The following DPP10 variants were observed in gnomAD, a reference collection of about 807,000 sequenced individuals.
DPP10 encodes inactive dipeptidyl peptidase 10.
Under a neutral mutation model 120.9 loss-of-function variants are expected in DPP10, and 33 were observed. The ratio of observed to expected loss-of-function variants is 0.27; its 90% confidence interval spans 0.21 to 0.37. DPP10 has a LOEUF of 0.37. DPP10 is among the 10% of genes least tolerant of loss of function. The pLI, the probability that DPP10 is intolerant of heterozygous loss-of-function variation, is 1.00. For missense variants in DPP10, 816 were observed against 942.8 expected, an observed-to-expected ratio of 0.87 and a Z score of 1.76; for synonymous variants, 337 against 326.1, an observed-to-expected ratio of 1.03 and a Z score of -0.36.
At position 115,557,746 on chromosome 2, in the gene DPP10, T is replaced by C. The variant is rs538050548; in HGVS notation, c.441+31774T>C. Among the ~76,000 whole-genome samples the C allele has an allele frequency of 1.0e-3, 156 of 152,280 alleles. 2 individuals carry two copies. Among genetic ancestry groups the C allele is most frequent in the African/African-American group, 3.4e-3 (143 of 41,562 alleles). ...TTTGGTAAAGAAAGATGGATCAAGG[T>C]TAGAGAGTAAAAAAAGAAAGGCCTA... is the stretch of plus-strand genomic sequence containing the variant. On this transcript the variant is annotated intron_variant, in intron 5 of 25. Transcript: ENST00000410059.
chr2:115,142,406 C>T lies in DPP10; in HGVS notation c.61-166833C>T, dbSNP rs1216256133. Among the ~76,000 whole-genome samples, 4 of 152,228 alleles carry T rather than the reference C, an allele frequency of 2.6e-5. 1 individual carries two copies. The East Asian group carries it at 7.7e-4, about 29-fold the overall frequency. On this transcript the variant is annotated intron_variant, in intron 1 of 25. Coordinates refer to ENST00000410059, the MANE Select transcript of DPP10 (RefSeq NM_020868.6). ...ACAAAGTCAAAGGCTGGGAAGAAAGCAATGTGCGCTCATAGATAGCATGGA... is the reference window on the plus strand; with the variant it reads ...ACAAAGTCAAAGGCTGGGAAGAAAGTAATGTGCGCTCATAGATAGCATGGA...
At chr2:115,236,567 AC>A (rs2058019868) in intron 1 of DPP10, among the ~76,000 whole-genome samples, 1 of 152,188 alleles carries the variant, frequency 6.6e-6, no homozygotes. Context: ...GCATCTTTAC[AC>A]TGGAAGGGCT....
chr2:114,444,521 A>G (rs183353985), intron 1 of DPP10, among the ~76,000 whole-genome samples: 1 of 152,168 alleles, frequency 6.6e-6, no homozygotes, highest in East Asian at 1.9e-4. Context: ...AGAGACTTCA[A>G]ATCACTTCCT....
intron 1 of DPP10, among the ~76,000 whole-genome samples, chr2:115,231,728 G>A (rs115328895): frequency 1.1e-4 from 16 of 152,270 alleles, no homozygotes; most frequent in African/African-American, 3.9e-4. Context: ...AAGAAGTAGC[G>A]ATATATGAAA....
chr2:114,822,448 C>A (rs1686178986), intron 1 of DPP10, among the ~76,000 whole-genome samples: 1 of 152,120 alleles, frequency 6.6e-6, no homozygotes, highest in African/African-American at 2.4e-5. Context: ...GGAGGGGCTG[C>A]CACAAAGGTC....
chr2:115,507,499 A>G (rs1282546360), intron 4 of DPP10, among the ~76,000 whole-genome samples: 3 of 152,192 alleles, frequency 2.0e-5, no homozygotes, highest in African/African-American at 7.2e-5. Flanking sequence ...CGGAGATAAC[A>G]TTTCAAGGTC....
chr2:115,662,857 T>G (rs77446452), intron 5 of DPP10, among the ~76,000 whole-genome samples: 1,647 of 152,316 alleles, frequency 0.011, 37 homozygotes, highest in African/African-American at 0.038. Flanking sequence ...GTATGTAATA[T>G]ATATAGAAGT....
At chr2:115,020,408 G>T (rs890821131) in intron 1 of DPP10, among the ~76,000 whole-genome samples, 2 of 152,046 alleles carry the variant, frequency 1.3e-5, no homozygotes, top group African/African-American at 4.8e-5. Flanking sequence ...AGTTTAAAAA[G>T]ACAAAGAGGG....
chr2:115,814,178 C>A (rs1686970512), intron 19 of DPP10, among the ~76,000 whole-genome samples: 1 of 152,102 alleles, frequency 6.6e-6, no homozygotes, highest in Non-Finnish European at 1.5e-5. Flanking sequence ...ATCTATGCTT[C>A]TTTCTGCTGT....
intron 1 of DPP10, among the ~76,000 whole-genome samples, chr2:115,252,796 C>G (rs1354341547): frequency 6.6e-6 from 1 of 152,204 alleles, no homozygotes; most frequent in African/African-American, 2.4e-5. Flanking sequence ...TGATGCAGTG[C>G]TTCCTTCTCC....
intron 1 of DPP10, among the ~76,000 whole-genome samples, chr2:114,699,293 G>C (rs575195050): frequency 8.9e-6 from 1 of 112,540 alleles, no homozygotes; most frequent in Non-Finnish European, 1.8e-5. Context: ...ATACATATGC[G>C]TGTGTGTGTG....
intron 5 of DPP10, among the ~76,000 whole-genome samples, chr2:115,567,301 T>G (rs538220228): frequency 1.3e-5 from 2 of 152,238 alleles, no homozygotes; most frequent in African/African-American, 2.4e-5. Flanking sequence ...TTTCAATCCA[T>G]TTTTAAACTC....
intron 5 of DPP10, among the ~76,000 whole-genome samples, chr2:115,592,641 A>G (rs1462654019): frequency 6.6e-6 from 1 of 152,130 alleles, no homozygotes; most frequent in Non-Finnish European, 1.5e-5. Context: ...CTGTAGTCCC[A>G]GCTACTAGCG....
intron 1 of DPP10, among the ~76,000 whole-genome samples, chr2:115,099,130 C>CAAAAAAAAAAAAA (rs55815168): frequency 9.4e-5 from 7 of 74,608 alleles, no homozygotes; most frequent in African/African-American, 1.9e-4. Context: ...GCTAAAAATA[C>CAAAAAAAAAAAAA]AAAAAAAAAA....
At chr2:115,641,523 C>G (rs1054873991) in intron 5 of DPP10, among the ~76,000 whole-genome samples, 5 of 146,960 alleles carry the variant, frequency 3.4e-5, no homozygotes, top group Non-Finnish European at 7.4e-5. Context: ...ATGAACCCCA[C>G]TCTCTCCCTC....
chr2:114,895,027 T>C (rs570177020), intron 1 of DPP10, among the ~76,000 whole-genome samples: 2 of 152,304 alleles, frequency 1.3e-5, no homozygotes, highest in South Asian at 4.1e-4. Context: ...TTTAGCTTTC[T>C]CATCTACAAA....
chr2:114,477,217 C>T (rs934201499), intron 1 of DPP10, among the ~76,000 whole-genome samples: 1 of 151,868 alleles, frequency 6.6e-6, no homozygotes, highest in East Asian at 1.9e-4. Context: ...CAAGGACTCC[C>T]AAAGTGCTGG....
chr2:115,583,470 C>T (rs188778667), intron 5 of DPP10, among the ~76,000 whole-genome samples: 50 of 152,262 alleles, frequency 3.3e-4, no homozygotes, highest in African/African-American at 1.1e-3. Context: ...ATAGGACCCT[C>T]GAGTAGATGG....
chr2:115,723,625 T>TG lies in DPP10; in HGVS notation c.577-4191_577-4190insG, dbSNP rs908516288. Among the ~76,000 whole-genome samples, 12 of 150,548 alleles carry TG rather than the reference T, an allele frequency of 8.0e-5. No homozygotes were observed. In the South Asian group the frequency reaches 1.0e-3, roughly 13 times the overall value. The stretch of plus-strand genomic sequence containing the variant: ...GTTGTTGTTGTTGTTGTTTTTTGTT[T>TG]TTTTTTTTTTTTACACGGCTAGGTC... On this transcript the variant is annotated intron_variant, in intron 7 of 25. Coordinates refer to ENST00000410059, the MANE Select transcript of DPP10 (RefSeq NM_020868.6).
Sources: allele counts gnomAD v4.1 joint callset (sites outside exome capture counted in the v4.1 genomes callset), GRCh38; gene constraint gnomAD v4.1.1; transcripts MANE v1.5; gene names NCBI Gene and HGNC (gene_info 2026-07-23, HGNC 2026-07-21).